The following INPP5A variants were observed in gnomAD, a reference collection of about 807,000 sequenced individuals.
The protein encoded by INPP5A is inositol polyphosphate-5-phosphatase A.
INPP5A carries 14 observed loss-of-function variants against 65.2 expected under a neutral mutation model. That is an observed-to-expected ratio of 0.21 (90% CI 0.14 to 0.34). INPP5A has a LOEUF of 0.34. Ranked by LOEUF, INPP5A falls within the 10% of genes least tolerant of loss-of-function variation. INPP5A has a pLI of 1.00. For missense variants in INPP5A, 431 were observed against 545.6 expected, an observed-to-expected ratio of 0.79 and a Z score of 2.09; for synonymous variants, 207 against 208.3, an observed-to-expected ratio of 0.99 and a Z score of 0.05.
chr10:132,728,682 A>G (rs1351984665), intron 9 of INPP5A, among the ~76,000 whole-genome samples: 1 of 152,246 alleles, frequency 6.6e-6, no homozygotes, highest in Admixed American at 6.5e-5. Flanking sequence ...ACCAAAGCCG[A>G]TCAATCCCGG....
chr10:132,746,796 C>T (rs1243057848), intron 9 of INPP5A, among the ~76,000 whole-genome samples: 1 of 152,228 alleles, frequency 6.6e-6, no homozygotes, highest in Admixed American at 6.5e-5. Context: ...GAGAAGAATC[C>T]CTTCCCAAAG....
At chr10:132,543,472 A>C (rs982365129) in intron 1 of INPP5A, among the ~76,000 whole-genome samples, 8 of 152,188 alleles carry the variant, frequency 5.3e-5, no homozygotes, top group African/African-American at 1.7e-4. Context: ...ACTGGAATGC[A>C]ATGGTGTGAT....
intron 2 of INPP5A, among the ~76,000 whole-genome samples, chr10:132,640,886 G>T (rs1482176500): frequency 1.3e-5 from 2 of 152,314 alleles, no homozygotes; most frequent in South Asian, 2.1e-4. Context: ...TCCTGTGGCT[G>T]TGCTCAGCGT....
At chr10:132,681,765 G>C (rs2073049132) in intron 4 of INPP5A, among the ~76,000 whole-genome samples, 1 of 152,232 alleles carries the variant, frequency 6.6e-6, no homozygotes, top group African/African-American at 2.4e-5. Context: ...ATTGAGAGCA[G>C]TCTCCAGCAG....
intron 1 of INPP5A, among the ~76,000 whole-genome samples, chr10:132,586,081 G>A (rs987547763): frequency 2.6e-5 from 4 of 152,202 alleles, no homozygotes; most frequent in East Asian, 1.9e-4. Context: ...TTAGGGACAC[G>A]TCTGCCCTTT....
At chr10:132,708,671 G>C (rs536024338) in intron 7 of INPP5A, among the ~76,000 whole-genome samples, 1 of 152,250 alleles carries the variant, frequency 6.6e-6, no homozygotes, top group Non-Finnish European at 1.5e-5. Flanking sequence ...AGAGAAGTCA[G>C]CAGGGAGGCC....
rs927219209 is a variant in INPP5A at position 132,546,650 on chromosome 10, C to T, written c.75+8479C>T. 4.6e-5 allele frequency among the ~76,000 whole-genome samples: 7 copies of T among 152,138 alleles called. No homozygotes were observed. Among genetic ancestry groups the T allele is most frequent in the African/African-American group, 1.7e-4 (7 of 41,428 alleles). ...CCTTCCCACTCTGGATTGTCCTGGG[C>T]GTCTCTGTGTGGGGTCTCCTGGCTC... On this transcript the variant is annotated intron_variant, in intron 1 of 15. Transcript: ENST00000368594. The surrounding 1 kb of genome is among the most constrained non-coding windows in gnomAD (Gnocchi z 5.7).
At chr10:132,673,193 A>G (rs891754689) in intron 4 of INPP5A, among the ~76,000 whole-genome samples, 10 of 152,164 alleles carry the variant, frequency 6.6e-5, no homozygotes, top group African/African-American at 2.4e-4. Flanking sequence ...TATCCAGGTG[A>G]CAATCTTAAC....
At chr10:132,630,867 G>A (rs930651922) in intron 2 of INPP5A, among the ~76,000 whole-genome samples, 28 of 152,314 alleles carry the variant, frequency 1.8e-4, no homozygotes, top group African/African-American at 6.0e-4. Context: ...GCCCAAGCCC[G>A]GACTTTGTTC....
chr10:132,556,205 C>T (rs558184858), intron 1 of INPP5A, among the ~76,000 whole-genome samples: 107 of 152,298 alleles, frequency 7.0e-4, no homozygotes, highest in Non-Finnish European at 1.3e-3. Context: ...CTGTGTCCTC[C>T]TGTGGCTTTG....
At chr10:132,717,838 C>G (rs1002033314) in intron 8 of INPP5A, among the ~76,000 whole-genome samples, 2 of 147,818 alleles carry the variant, frequency 1.4e-5, no homozygotes, top group African/African-American at 5.2e-5. Context: ...CCTTAGACGG[C>G]TGTCTTGCGG....
chr10:132,565,016 G>A lies in INPP5A; in HGVS notation c.75+26845G>A, dbSNP rs1472190344. Among the ~76,000 whole-genome samples the A allele has an allele frequency of 4.6e-5, 7 of 152,292 alleles. No individual in the cohort carries two copies. The East Asian group carries it at 1.3e-3, about 29-fold the overall frequency. ...GCCATTCACAGCGCTGCTTTACGAC[G>A]TTTGTGCTGAATAGAGAGTTTGGAA... On this transcript the variant is annotated intron_variant, in intron 1 of 15. Transcript: ENST00000368594.
At chr10:132,560,822 T>TG (rs1423106625) in intron 1 of INPP5A, among the ~76,000 whole-genome samples, 2 of 152,138 alleles carry the variant, frequency 1.3e-5, no homozygotes, top group Admixed American at 1.3e-4. Flanking sequence ...TGCTGTAGTC[T>TG]GGTATCAAAC....
chr10:132,723,957 A>G lies in INPP5A; in HGVS notation c.648-2864A>G, dbSNP rs930201443. 2.6e-4 allele frequency among the ~76,000 whole-genome samples: 39 copies of G among 151,982 alleles called. 1 individual carries two copies. The highest frequency in any genetic ancestry group is 8.5e-4 in the African/African-American group (35 of 41,228). On this transcript the variant is annotated intron_variant, in intron 8 of 15. Coordinates refer to ENST00000368594, the MANE Select transcript of INPP5A (RefSeq NM_005539.5). The stretch of plus-strand genomic sequence containing the variant: ...GTTTAAGCAAATCACACTAGAATAG[A>G]TCAAACTTGTTACAACTGAGATTTA...
chr10:132,541,111 T>C (rs1306921578), intron 1 of INPP5A, among the ~76,000 whole-genome samples: 3 of 151,892 alleles, frequency 2.0e-5, no homozygotes, highest in Admixed American at 6.6e-5. Flanking sequence ...CTCAGCATCC[T>C]AAGTAGCTGG....
intron 1 of INPP5A, among the ~76,000 whole-genome samples, chr10:132,556,939 G>T (rs2071134578): frequency 6.6e-6 from 1 of 152,224 alleles, no homozygotes; most frequent in South Asian, 2.1e-4. Context: ...ACTTAGGCTT[G>T]TGACTTCTCA....
chr10:132,684,242 G>A (rs761386506), intron 4 of INPP5A, among the ~76,000 whole-genome samples: 22 of 152,090 alleles, frequency 1.4e-4, no homozygotes, highest in South Asian at 4.1e-4. Context: ...CCATTTGCAC[G>A]TTAAGCATTT....
rs190982459 is a variant in INPP5A, at chr10:132,757,217, C to T, written c.903+7372C>T. ...AAGTCTGACATTCTGTTACTCTCAG[C>T]GCTGGGCATTTCTAAAGTCTGCAGT... On this transcript the variant is annotated intron_variant, in intron 11 of 15. Transcript: ENST00000368594. Among the ~76,000 whole-genome samples the T allele has an allele frequency of 2.6e-5, 4 of 152,340 alleles. No homozygotes were observed. The East Asian group carries it at 7.7e-4, about 29-fold the overall frequency.
chr10:132,711,512 G>A (rs1320844747), intron 8 of INPP5A, among the ~76,000 whole-genome samples: 1 of 152,184 alleles, frequency 6.6e-6, no homozygotes, highest in East Asian at 1.9e-4. Context: ...GTTCTGCCCT[G>A]GGGTGGTCCC....
Sources: gnomAD v4.1 joint callset for allele counts (sites outside exome capture counted in the v4.1 genomes callset) on GRCh38, gnomAD v4.1.1 for gene constraint, Gnocchi (gnomAD v3.1) non-coding constraint, MANE v1.5 for transcripts, NCBI Gene and HGNC (gene_info 2026-07-23, HGNC 2026-07-21) for gene names.